Variants in CNTN3 observed in about 807,000 individuals in gnomAD.
The protein encoded by CNTN3 is contactin-3.
A neutral mutation model predicts 119.1 loss-of-function variants in CNTN3; 60 were observed. The observed-to-expected ratio is 0.50, with a 90% CI of 0.41 to 0.62. The LOEUF (loss-of-function observed/expected upper bound fraction) is 0.62. CNTN3 is among the 20% of genes least tolerant of loss of function. CNTN3 has a pLI of 0.00. For missense variants in CNTN3, 1,101 were observed against 1,242.4 expected (o/e 0.89, Z 1.71); for synonymous variants, 450 against 438.7 (o/e 1.03, Z -0.32).
chr3:74,317,351 T>G (rs1702859383), intron 13 of CNTN3, among the ~76,000 whole-genome samples: 1 of 151,914 alleles, frequency 6.6e-6, no homozygotes, highest in Non-Finnish European at 1.5e-5. Flanking sequence ...AAAGTTAATA[T>G]TGTTATGTGT....
At chr3:74,583,853 G>C (rs1184766668) in intron 1 of CNTN3, among the ~76,000 whole-genome samples, 1 of 152,068 alleles carries the variant, frequency 6.6e-6, no homozygotes, top group East Asian at 1.9e-4. Context: ...TGCACTAAGA[G>C]ACAACAATTA....
chr3:74,301,798 A>T lies in CNTN3; in HGVS notation c.1794T>A (p.Pro598=). The change falls in exon 15 of 23, where the codon CCT becomes CCA. Residue 598 remains proline (P), a synonymous_variant. Transcript: ENST00000263665. ...CTACCTTCACATTTTCTGGTGGTCC[A>T]GGTGAACCTAAGGAAGGCACAAATG... ...SAADLIVRGS[P]GPPENVKVDE... is the part of the protein sequence containing the mutation. 1 of 1,613,914 alleles carries T rather than the reference A, an allele frequency of 6.2e-7. No individual in the cohort carries two copies.
chr3:74,592,771 A>T lies in CNTN3; in HGVS notation c.-81+21620T>A, dbSNP rs184772818. Among the ~76,000 whole-genome samples the T allele has an allele frequency of 9.8e-3, 1,488 of 152,098 alleles. 10 individuals carry two copies. The highest frequency in any genetic ancestry group is 0.015 in the Non-Finnish European group (1,043 of 67,918). ...CTTGTTCTTAATAAACTGATTTTTT[A>T]AAAACCTTAAACAAAACTTTACATT... On this transcript the variant is annotated intron_variant, in intron 1 of 22. Transcript: ENST00000263665.
At chr3:74,595,130 T>A (rs1704780541) in intron 1 of CNTN3, among the ~76,000 whole-genome samples, 2 of 151,870 alleles carry the variant, frequency 1.3e-5, no homozygotes, top group Non-Finnish European at 1.5e-5. Context: ...CTTTGCCCAC[T>A]TTTTGATGCG....
chr3:74,484,854 C>T (rs1299781992), intron 4 of CNTN3, among the ~76,000 whole-genome samples: 1 of 152,070 alleles, frequency 6.6e-6, no homozygotes, highest in Non-Finnish European at 1.5e-5. Context: ...AAATGATGTC[C>T]TCACTTTCAA....
chr3:74,472,041 A>G (rs1262108118), intron 4 of CNTN3, among the ~76,000 whole-genome samples: 1 of 152,202 alleles, frequency 6.6e-6, no homozygotes, highest in Non-Finnish European at 1.5e-5. Flanking sequence ...CTATCATTAT[A>G]ACTCCACAGT....
intron 20 of CNTN3, among the ~76,000 whole-genome samples, chr3:74,282,876 G>A (rs1330825796): frequency 2.6e-5 from 4 of 151,914 alleles, no homozygotes; most frequent in Non-Finnish European, 4.4e-5. Context: ...GGATGACTGG[G>A]GATTTTAATG....
At chr3:74,578,900 T>C (rs1704458559) in intron 1 of CNTN3, among the ~76,000 whole-genome samples, 1 of 152,042 alleles carries the variant, frequency 6.6e-6, no homozygotes, top group African/African-American at 2.4e-5. Context: ...ATACATGATA[T>C]GTACACTCAA....
intron 1 of CNTN3, among the ~76,000 whole-genome samples, chr3:74,604,966 A>G (rs1280099096): frequency 1.3e-5 from 2 of 152,188 alleles, no homozygotes; most frequent in African/African-American, 4.8e-5. Context: ...GCAGCCATTG[A>G]AAAGGAAGGA....
rs572863298 is a variant in CNTN3, at chr3:74,352,014, C to CTT, written c.1364+9875_1364+9876insAA. Among the ~76,000 whole-genome samples, 131 of 152,272 alleles carry CTT rather than the reference C, an allele frequency of 8.6e-4. 3 individuals are homozygous for CTT. The highest frequency in any genetic ancestry group is 3.4e-3 in the Middle Eastern group (1 of 294). ...TAGAACTCTTGCTTATTTACCCAGG[C>CTT]ATCTCAATCATCTCTTTAAGAGAAG... On this transcript the variant is annotated intron_variant, in intron 11 of 22. Coordinates refer to ENST00000263665, the MANE Select transcript of CNTN3 (RefSeq NM_020872.3).
intron 1 of CNTN3, among the ~76,000 whole-genome samples, chr3:74,530,178 T>A (rs1341382719): frequency 6.6e-6 from 1 of 151,988 alleles, no homozygotes; most frequent in Non-Finnish European, 1.5e-5. Flanking sequence ...TGACCATAAA[T>A]ATAATTATAC....
intron 1 of CNTN3, among the ~76,000 whole-genome samples, chr3:74,549,669 C>T (rs1703962147): frequency 6.6e-6 from 1 of 152,132 alleles, no homozygotes; most frequent in African/African-American, 2.4e-5. Flanking sequence ...TCTGAATACT[C>T]TAACCTGTGC....
Position 74,539,272 on chromosome 3 carries a change from T to C in CNTN3, c.-80-18080A>G, listed in dbSNP as rs778187855. Among the ~76,000 whole-genome samples the C allele has an allele frequency of 2.6e-5, 4 of 152,250 alleles. No homozygotes were observed. In the East Asian group the frequency reaches 5.8e-4, roughly 22 times the overall value. On this transcript the variant is annotated intron_variant, in intron 1 of 22. Coordinates refer to ENST00000263665, the MANE Select transcript of CNTN3 (RefSeq NM_020872.3). ...TATTAAAAGTATTTAGTACTGAATA[T>C]TGGTGCTAAGAAATGTTTCTTTTTT...
Position 74,482,203 on chromosome 3 carries a change from T to C in CNTN3, c.358+4253A>G, listed in dbSNP as rs563633592. Reference sequence around the variant, plus strand: ...AAAAGGATAGCCAGAAAAGGATAAATAGGCAAAAGTACTACAGAAAATATT... The same window carrying C: ...AAAAGGATAGCCAGAAAAGGATAAACAGGCAAAAGTACTACAGAAAATATT... On this transcript the variant is annotated intron_variant, in intron 4 of 22. Coordinates refer to ENST00000263665, the MANE Select transcript of CNTN3 (RefSeq NM_020872.3). 1.0e-3 allele frequency among the ~76,000 whole-genome samples: 159 copies of C among 152,036 alleles called. 3 individuals are homozygous for C. Among genetic ancestry groups the C allele is most frequent in the Admixed American group, 0.01 (156 of 15,226 alleles).
At chr3:74,577,257 G>C (rs1704432820) in intron 1 of CNTN3, among the ~76,000 whole-genome samples, 1 of 152,092 alleles carries the variant, frequency 6.6e-6, no homozygotes, top group Non-Finnish European at 1.5e-5. Context: ...CAAAAATGAA[G>C]AGATATTTCA....
At chr3:74,502,883 G>A (rs1559636038) in intron 2 of CNTN3, among the ~76,000 whole-genome samples, 2 of 152,036 alleles carry the variant, frequency 1.3e-5, no homozygotes, top group Non-Finnish European at 2.9e-5. Flanking sequence ...GTTTATGCAT[G>A]TGTTTGTTAT....
At chr3:74,576,602 A>T (rs959260426) in intron 1 of CNTN3, among the ~76,000 whole-genome samples, 10 of 152,160 alleles carry the variant, frequency 6.6e-5, no homozygotes, top group African/African-American at 2.4e-4. Flanking sequence ...TAAAAATCAG[A>T]GTGATCACAC....
At chr3:74,521,262 T>C (rs1703538862) in intron 1 of CNTN3, 70 bp from the exon 2 acceptor site, 1 of 424,864 alleles carries the variant, frequency 2.4e-6, no homozygotes, top group Admixed American at 4.4e-5. Context: ...AGAGATTTTC[T>C]TCTTTTCGTA....
chr3:74,589,461 G>C (rs1185411974), intron 1 of CNTN3, among the ~76,000 whole-genome samples: 1 of 144,494 alleles, frequency 6.9e-6, no homozygotes, highest in Non-Finnish European at 1.5e-5. Context: ...GAAACAACAG[G>C]TGCTGGAGAG....
Sources: gnomAD v4.1 joint callset for allele counts (sites outside exome capture counted in the v4.1 genomes callset) on GRCh38, gnomAD v4.1.1 for gene constraint, MANE v1.5 for transcripts, NCBI Gene and HGNC (gene_info 2026-07-23, HGNC 2026-07-21) for gene names.